NALCN: variants seen among roughly 807,000 people sequenced by gnomAD.
NALCN encodes sodium leak channel, non-selective.
Under a neutral mutation model 225.3 loss-of-function variants are expected in NALCN, and 111 were observed. That is an observed-to-expected ratio of 0.49 (90% CI 0.42 to 0.58). NALCN has a LOEUF of 0.58. Among genes scored for constraint, NALCN ranks in the 20% least tolerant of loss-of-function variants. The pLI, the probability that NALCN is intolerant of heterozygous loss-of-function variation, is 0.00. For synonymous variants in NALCN, 764 were observed against 769.0 expected (o/e 0.99, Z 0.11); for missense variants, 1,378 against 2,202.4 (o/e 0.63, Z 7.49).
At chr13:101,276,751 A>G (rs747560580) in intron 10 of NALCN, among the ~76,000 whole-genome samples, 2 of 152,198 alleles carry the variant, frequency 1.3e-5, no homozygotes, top group Non-Finnish European at 2.9e-5. Context: ...AAGATCTTTT[A>G]TGTGCCCTAA....
intron 14 of NALCN, among the ~76,000 whole-genome samples, chr13:101,178,585 C>T (rs1043241189): frequency 3.3e-5 from 5 of 152,202 alleles, no homozygotes; most frequent in Non-Finnish European, 5.9e-5. Context: ...GTCTCCCCTT[C>T]TCCGTAGAGG....
chr13:101,186,379 G>T (rs879705784), intron 14 of NALCN, among the ~76,000 whole-genome samples: 3 of 152,156 alleles, frequency 2.0e-5, no homozygotes, highest in Non-Finnish European at 4.4e-5. Context: ...CCAGGACGTA[G>T]GTTAGTACCT....
In NALCN at chr13:101,248,089, C is replaced by T. The variant is rs567933153; in HGVS notation, c.1267-10167G>A. Among the ~76,000 whole-genome samples the T allele has an allele frequency of 6.6e-5, 10 of 152,194 alleles. No individual in the cohort carries two copies. In the East Asian group the frequency reaches 1.9e-3, roughly 29 times the overall value. The stretch of plus-strand genomic sequence containing the variant: ...CCCTGATGGACATTTGGGTTGATTC[C>T]ATGTCTTTGCTATTGTGAACAGTGC... On this transcript the variant is annotated intron_variant, in intron 11 of 43. Coordinates refer to ENST00000251127, the MANE Select transcript of NALCN (RefSeq NM_052867.4).
intron 14 of NALCN, among the ~76,000 whole-genome samples, chr13:101,181,791 T>C (rs1189894703): frequency 6.6e-6 from 1 of 151,936 alleles, no homozygotes; most frequent in Non-Finnish European, 1.5e-5. Context: ...CTCACTGAAA[T>C]AGTAACTAGA....
At chr13:101,379,486 A>G (rs1343395300) in intron 3 of NALCN, among the ~76,000 whole-genome samples, 1 of 152,206 alleles carries the variant, frequency 6.6e-6, no homozygotes, top group Non-Finnish European at 1.5e-5. Context: ...TCAATGATAA[A>G]CTGGTTAAAG....
In NALCN at chr13:101,054,448, C is replaced by T. The variant is rs1354565613; in HGVS notation, c.*847G>A. The stretch of plus-strand genomic sequence containing the variant: ...TAAGAAATGAAGCCAATGATAACAT[C>T]ACACATGCAAAGATTTTTTTAAATA... On this transcript the variant is annotated 3_prime_UTR_variant, in exon 44 of 44. Coordinates refer to ENST00000251127, the MANE Select transcript of NALCN (RefSeq NM_052867.4). 1 of 146,964 alleles carries T rather than the reference C, an allele frequency of 6.8e-6. No individual in the cohort carries two copies. The highest frequency in any genetic ancestry group is 2.5e-5 in the African/African-American group (1 of 40,370). 9.1% of individuals were successfully genotyped at this position (146,964 alleles called of 1,614,324 possible).
intron 6 of NALCN, among the ~76,000 whole-genome samples, chr13:101,362,044 G>A (rs1186317995): frequency 6.6e-6 from 1 of 151,494 alleles, no homozygotes; most frequent in African/African-American, 2.4e-5. Context: ...CTGGTTTCTG[G>A]CACCTCAGGT....
intron 6 of NALCN, among the ~76,000 whole-genome samples, chr13:101,355,906 A>G (rs1313819903): frequency 1.3e-5 from 2 of 152,154 alleles, no homozygotes; most frequent in Non-Finnish European, 2.9e-5. Flanking sequence ...CACTCAAAAC[A>G]ACACAATTAC....
chr13:101,260,372 T>C (rs1284070416), intron 10 of NALCN, among the ~76,000 whole-genome samples: 1 of 152,226 alleles, frequency 6.6e-6, no homozygotes, highest in Non-Finnish European at 1.5e-5. Flanking sequence ...ATTTCCTTTC[T>C]TTTGGGTATA....
At chr13:101,334,943 T>G (rs2045329957) in intron 7 of NALCN, among the ~76,000 whole-genome samples, 1 of 152,222 alleles carries the variant, frequency 6.6e-6, no homozygotes, top group Admixed American at 6.5e-5. Context: ...TTTATTACTT[T>G]CTTAAATCAT....
At chr13:101,322,405 C>T (rs1353267721) in intron 7 of NALCN, among the ~76,000 whole-genome samples, 1 of 152,288 alleles carries the variant, frequency 6.6e-6, no homozygotes, top group South Asian at 2.1e-4. Context: ...ATAACTTAAT[C>T]AGTATAAAAT....
chr13:101,095,773 A>G, intron 27 of NALCN, 93 bp from the exon 28 acceptor site: 2 of 1,063,160 alleles, frequency 1.9e-6, no homozygotes, highest in Non-Finnish European at 2.8e-6. Context: ...CTTTCACGGA[A>G]TCCCAAAAGC....
intron 7 of NALCN, among the ~76,000 whole-genome samples, chr13:101,325,728 C>G (rs1289999293): frequency 6.6e-6 from 1 of 152,254 alleles, no homozygotes; most frequent in Admixed American, 6.5e-5. Flanking sequence ...AGGTGTCTCT[C>G]CTTTTAGGTT....
chr13:101,272,019 T>C (rs976304830), intron 10 of NALCN, among the ~76,000 whole-genome samples: 2 of 128,572 alleles, frequency 1.6e-5, no homozygotes, highest in East Asian at 3.9e-4. Flanking sequence ...TGTGTCACTG[T>C]GTGTGTATGT....
intron 39 of NALCN, among the ~76,000 whole-genome samples, chr13:101,067,287 G>C (rs1454607676): frequency 5.3e-5 from 1 of 19,026 alleles, no homozygotes; most frequent in African/African-American, 3.7e-4. Context: ...GGAGGGGGAA[G>C]AGGAGGGGGA....
chr13:101,408,731 G>C (rs2047694438), intron 1 of NALCN, among the ~76,000 whole-genome samples: 1 of 151,722 alleles, frequency 6.6e-6, no homozygotes, highest in African/African-American at 2.4e-5. Context: ...TTTTCTTTTG[G>C]GGTACTCATT....
chr13:101,393,710 G>C (rs1463674017), intron 3 of NALCN, among the ~76,000 whole-genome samples: 1 of 152,194 alleles, frequency 6.6e-6, no homozygotes, highest in African/African-American at 2.4e-5. Flanking sequence ...GGGAGGCTGA[G>C]GCAGGAGAAT....
intron 15 of NALCN, among the ~76,000 whole-genome samples, chr13:101,149,157 G>A (rs2139815187): frequency 6.6e-6 from 1 of 152,250 alleles, no homozygotes; most frequent in African/African-American, 2.4e-5. Flanking sequence ...GCTGGGCGTG[G>A]TGGCAGGCGC....
chr13:101,098,073 T>C (rs932796545), intron 27 of NALCN, among the ~76,000 whole-genome samples: 10 of 152,114 alleles, frequency 6.6e-5, no homozygotes, highest in Non-Finnish European at 1.5e-4. Context: ...GTTCGGTCCC[T>C]GCCTCTACAC....
Sources: gnomAD v4.1 joint callset for allele counts (sites outside exome capture counted in the v4.1 genomes callset) on GRCh38, gnomAD v4.1.1 for gene constraint, MANE v1.5 for transcripts, NCBI Gene and HGNC (gene_info 2026-07-23, HGNC 2026-07-21) for gene names.